Variants in VAV3 observed in about 807,000 individuals in gnomAD.
The protein encoded by VAV3 is vav guanine nucleotide exchange factor 3, also known as guanine nucleotide exchange factor VAV3.
In VAV3, 94 loss-of-function variants were observed where a neutral mutation model predicts 131.2. The observed-to-expected ratio is 0.72, with a 90% CI of 0.61 to 0.85. VAV3 has a LOEUF of 0.85. VAV3 is among the 40% of genes least tolerant of loss of function. VAV3 has a pLI of 0.00. For synonymous variants in VAV3, 349 were observed against 342.0 expected (o/e 1.02, Z -0.22); for missense variants, 939 against 1,002.7 (o/e 0.94, Z 0.86).
intron 1 of VAV3, among the ~76,000 whole-genome samples, chr1:107,919,615 A>AAT (rs200772253): frequency 7.6e-4 from 116 of 152,252 alleles, no homozygotes; most frequent in African/African-American, 2.6e-3. Flanking sequence ...TAGAGAGGGG[A>AAT]ATATATATAT....
At chr1:107,592,130 A>G (rs1409576243) in intron 25 of VAV3, among the ~76,000 whole-genome samples, 2 of 152,016 alleles carry the variant, frequency 1.3e-5, no homozygotes, top group Non-Finnish European at 2.9e-5. Flanking sequence ...CACATGTTAT[A>G]TGTAGTTGTC....
chr1:107,574,253 A>G (rs1649459787), intron 25 of VAV3, 55 bp from the exon 26 acceptor site: 2 of 1,586,258 alleles, frequency 1.3e-6, no homozygotes, highest in Non-Finnish European at 1.7e-6. Context: ...AACAACCATA[A>G]CAACCTAATC....
intron 18 of VAV3, 45 bp from the exon 19 acceptor site, chr1:107,683,578 A>G (rs752069266): frequency 8.8e-6 from 14 of 1,598,334 alleles, no homozygotes; most frequent in Non-Finnish European, 1.2e-5. Context: ...TGTGTTGGTA[A>G]TTTTGCACTA....
chr1:107,642,515 C>T (rs979560080), intron 20 of VAV3, 104 bp downstream of exon 20: 4 of 1,341,788 alleles, frequency 3.0e-6, no homozygotes, highest in African/African-American at 1.5e-5. Context: ...AATCAACTTG[C>T]TTTTGCTTTG....
chr1:107,814,140 CTT>C (rs1290866120), intron 2 of VAV3, among the ~76,000 whole-genome samples: 1 of 152,014 alleles, frequency 6.6e-6, no homozygotes, highest in Admixed American at 6.6e-5. Context: ...CTTTGATATA[CTT>C]TTTTTCTTTC....
At chr1:107,580,423 T>A (rs1339377749) in intron 25 of VAV3, among the ~76,000 whole-genome samples, 1 of 152,182 alleles carries the variant, frequency 6.6e-6, no homozygotes, top group Non-Finnish European at 1.5e-5. Context: ...AACTATTATT[T>A]TTTTTTTCTG....
At chr1:107,753,237 A>G (rs1163037497) in intron 12 of VAV3, among the ~76,000 whole-genome samples, 1 of 152,030 alleles carries the variant, frequency 6.6e-6, no homozygotes, top group Non-Finnish European at 1.5e-5. Context: ...GATTTCACTT[A>G]TATAAGGTGC....
chr1:107,595,017 T>C (rs561014985), intron 25 of VAV3, among the ~76,000 whole-genome samples: 1 of 152,302 alleles, frequency 6.6e-6, no homozygotes, highest in East Asian at 1.9e-4. Context: ...AAGATATTGG[T>C]AGGAAAATTG....
At chr1:107,848,342 C>T (rs535227355) in intron 2 of VAV3, among the ~76,000 whole-genome samples, 54 of 149,080 alleles carry the variant, frequency 3.6e-4, no homozygotes, top group African/African-American at 1.2e-3. Context: ...TAGTGGCAAA[C>T]TGAATCCAGC....
rs965852743 is a variant in VAV3, at chr1:107,831,268, T to C, written c.321+43633A>G. Among the ~76,000 whole-genome samples the C allele has an allele frequency of 2.6e-5, 4 of 152,186 alleles. No homozygotes were observed. The South Asian group carries it at 6.2e-4, about 24-fold the overall frequency. On this transcript the variant is annotated intron_variant, in intron 2 of 26. Transcript: ENST00000370056. ...GTGGAAAATACTTTAAAATAATATA[T>C]GACATATATCTCTATACAATAATAC...
chr1:107,590,703 C>A (rs1650880504), intron 25 of VAV3, among the ~76,000 whole-genome samples: 2 of 152,162 alleles, frequency 1.3e-5, no homozygotes, highest in African/African-American at 4.8e-5. Flanking sequence ...TTGTCCAAAG[C>A]AAATACTTAT....
chr1:107,722,439 C>A (rs189819493), intron 15 of VAV3, among the ~76,000 whole-genome samples: 1 of 152,128 alleles, frequency 6.6e-6, no homozygotes, highest in African/African-American at 2.4e-5. Context: ...ACTCCTAAGA[C>A]AAAAATTGGA....
chr1:107,896,535 G>T (rs914209898), intron 1 of VAV3, among the ~76,000 whole-genome samples: 1 of 152,056 alleles, frequency 6.6e-6, no homozygotes, highest in African/African-American at 2.4e-5. Context: ...TCACAAATTT[G>T]CTCTCCTGCA....
chr1:107,755,173 T>C (rs934732107), intron 12 of VAV3, among the ~76,000 whole-genome samples: 2 of 152,032 alleles, frequency 1.3e-5, no homozygotes, highest in African/African-American at 4.8e-5. Flanking sequence ...TGGACTCCTA[T>C]ATTTAGATTC....
chr1:107,760,896 A>G lies in VAV3; in HGVS notation c.922-17T>C. The stretch of plus-strand genomic sequence containing the variant: ...GGAACATTCCTAATGAAATGTTTTA[A>G]AAACACTTTGTTAGGGAGTCATAAA... On this transcript the variant is annotated splice_polypyrimidine_tract_variant and intron_variant, in intron 9 of 26. Transcript: ENST00000370056. The G allele has an allele frequency of 1.3e-6, 2 of 1,594,768 alleles. No individual in the cohort carries two copies. The highest frequency in any genetic ancestry group is 1.7e-6 in the Non-Finnish European group (2 of 1,163,406).
intron 12 of VAV3, among the ~76,000 whole-genome samples, chr1:107,755,183 C>G (rs1439375889): frequency 6.6e-6 from 1 of 151,984 alleles, no homozygotes; most frequent in African/African-American, 2.4e-5. Flanking sequence ...TATTTAGATT[C>G]AGACTGCTGG....
At chr1:107,628,535 C>G (rs1210509646) in intron 20 of VAV3, among the ~76,000 whole-genome samples, 1 of 152,134 alleles carries the variant, frequency 6.6e-6, no homozygotes, top group Non-Finnish European at 1.5e-5. Context: ...TGAGAACCTC[C>G]AAGTTCTCTC....
chr1:107,743,417 G>T (rs960726425), intron 15 of VAV3, among the ~76,000 whole-genome samples: 3 of 152,136 alleles, frequency 2.0e-5, no homozygotes, highest in African/African-American at 7.2e-5. Flanking sequence ...TAATTCTTGG[G>T]ACTCTGTATG....
intron 9 of VAV3, among the ~76,000 whole-genome samples, chr1:107,763,346 G>A (rs1045307964): frequency 6.6e-6 from 1 of 152,144 alleles, no homozygotes; most frequent in African/African-American, 2.4e-5. Flanking sequence ...TGGTCATTGG[G>A]CAAAACTTTG....
Sources: gnomAD v4.1 joint callset for allele counts (sites outside exome capture counted in the v4.1 genomes callset) on GRCh38, gnomAD v4.1.1 for gene constraint, MANE v1.5 for transcripts, NCBI Gene and HGNC (gene_info 2026-07-23, HGNC 2026-07-21) for gene names.